Variants in CA10 observed in about 807,000 individuals in gnomAD.
CA10 encodes carbonic anhydrase 10 (inactive), also known as carbonic anhydrase-related protein 10.
Under a neutral mutation model 44.2 loss-of-function variants are expected in CA10, and 14 were observed. The observed-to-expected ratio is 0.32, with a 90% CI of 0.21 to 0.50. CA10 has a LOEUF of 0.50. CA10 is among the 20% of genes least tolerant of loss of function. The probability of loss-of-function intolerance (pLI) is 0.99; values close to 1 mark genes in which losing one functional copy is unlikely to be tolerated. For synonymous variants in CA10, 159 were observed against 141.6 expected, an observed-to-expected ratio of 1.12 and a Z score of -0.87; for missense variants, 350 against 409.7, an observed-to-expected ratio of 0.85 and a Z score of 1.26.
chr17:51,941,862 G>C (rs1432596634), intron 2 of CA10, among the ~76,000 whole-genome samples: 1 of 152,028 alleles, frequency 6.6e-6, no homozygotes, highest in Admixed American at 6.6e-5. Flanking sequence ...AAAACATCTG[G>C]ATATCATGGA....
chr17:51,711,656 G>C (rs1915946153), intron 4 of CA10, among the ~76,000 whole-genome samples: 1 of 152,228 alleles, frequency 6.6e-6, no homozygotes, highest in African/African-American at 2.4e-5. Flanking sequence ...AAGCGGGACA[G>C]AGCTGAAACA....
At chr17:51,938,571 GTTT>G (rs1016393788) in intron 2 of CA10, among the ~76,000 whole-genome samples, 1 of 152,128 alleles carries the variant, frequency 6.6e-6, no homozygotes, top group Non-Finnish European at 1.5e-5. Context: ...ATCCAATAGG[GTTT>G]TTAACTCCAA....
At chr17:51,925,151 G>A (rs1490048224) in intron 3 of CA10, among the ~76,000 whole-genome samples, 1 of 151,964 alleles carries the variant, frequency 6.6e-6, no homozygotes, top group Non-Finnish European at 1.5e-5. Flanking sequence ...AAGCCTTCTG[G>A]GGAGCTGGGA....
intron 3 of CA10, among the ~76,000 whole-genome samples, chr17:51,815,328 C>T (rs998797219): frequency 1.1e-4 from 16 of 152,112 alleles, no homozygotes; most frequent in Non-Finnish European, 1.9e-4. Context: ...GTTTGGGTTG[C>T]GTGTCCAATT....
In CA10 at chr17:51,711,822, C is replaced by T. The variant is rs111895773; in HGVS notation, c.465+35811G>A. ...TGGCATGTATCTATTAGTCATGGGC[C>T]GTGGGCTTCTGCTGGGGGTGAGGTG... On this transcript the variant is annotated intron_variant, in intron 4 of 8. Transcript: ENST00000451037. 5.3e-5 allele frequency among the ~76,000 whole-genome samples: 8 copies of T among 152,234 alleles called. No individual in the cohort carries two copies. The South Asian group carries it at 6.2e-4, about 12-fold the overall frequency.
intron 3 of CA10, among the ~76,000 whole-genome samples, chr17:51,922,938 C>G (rs529505146): frequency 6.6e-6 from 1 of 152,088 alleles, no homozygotes; most frequent in Non-Finnish European, 1.5e-5. Context: ...TAACCAGACC[C>G]CTATCACTTT....
intron 3 of CA10, among the ~76,000 whole-genome samples, chr17:51,908,794 G>A (rs1598111990): frequency 6.6e-6 from 1 of 152,280 alleles, no homozygotes; most frequent in East Asian, 1.9e-4. Flanking sequence ...AAAACCCAGA[G>A]CGTCACCACT....
intron 3 of CA10, among the ~76,000 whole-genome samples, chr17:51,856,612 C>G (rs1418801627): frequency 6.6e-6 from 1 of 152,166 alleles, no homozygotes; most frequent in East Asian, 1.9e-4. Context: ...ATTTGGTCCA[C>G]AACGAGGAGG....
At chr17:51,862,580 T>G (rs373914687) in intron 3 of CA10, among the ~76,000 whole-genome samples, 92 of 152,226 alleles carry the variant, frequency 6.0e-4, no homozygotes, top group African/African-American at 2.1e-3. Flanking sequence ...GTATAAGAGT[T>G]CTGGGTTCAG....
rs1342363336 is a variant in CA10 at position 51,949,950 on chromosome 17, CA to C, written c.137-18819del. Among the ~76,000 whole-genome samples the C allele has an allele frequency of 7.2e-5, 11 of 152,228 alleles. No homozygotes were observed. The East Asian group carries it at 1.9e-3, about 27-fold the overall frequency. On this transcript the variant is annotated intron_variant, in intron 2 of 8. Coordinates refer to ENST00000451037, the MANE Select transcript of CA10 (RefSeq NM_020178.5). ...GGGGAAAAAAATTTGCGTGCAATGC[CA>C]CCATGTGAATATTTATTCATAAATT...
chr17:52,040,194 C>T (rs1598181048), intron 2 of CA10, among the ~76,000 whole-genome samples: 1 of 139,290 alleles, frequency 7.2e-6, no homozygotes, highest in Non-Finnish European at 1.5e-5. Flanking sequence ...AAATCAATAA[C>T]AGAAAAACCA....
chr17:51,831,732 G>GCCGC (rs1567854679), intron 3 of CA10, among the ~76,000 whole-genome samples: 3 of 145,942 alleles, frequency 2.1e-5, no homozygotes, highest in African/African-American at 7.6e-5. Flanking sequence ...AGCAGCAGCA[G>GCCGC]AAAAAGACCT....
At chr17:51,904,634 T>C (rs918401367) in intron 3 of CA10, among the ~76,000 whole-genome samples, 1 of 152,148 alleles carries the variant, frequency 6.6e-6, no homozygotes, top group African/African-American at 2.4e-5. Flanking sequence ...CATTTGGAAA[T>C]CTTATATGCA....
intron 2 of CA10, among the ~76,000 whole-genome samples, chr17:52,071,594 G>A (rs987163069): frequency 6.6e-6 from 1 of 152,160 alleles, no homozygotes; most frequent in African/African-American, 2.4e-5. Flanking sequence ...ACTGGCTCCT[G>A]CTGAGAGCTT....
At chr17:51,983,058 A>G (rs1262155844) in intron 2 of CA10, among the ~76,000 whole-genome samples, 1 of 151,650 alleles carries the variant, frequency 6.6e-6, no homozygotes, top group Non-Finnish European at 1.5e-5. Context: ...CTACTTTCAC[A>G]TCTTTGAGTC....
intron 3 of CA10, among the ~76,000 whole-genome samples, chr17:51,811,202 A>G (rs1016489487): frequency 6.6e-6 from 1 of 152,186 alleles, no homozygotes; most frequent in Non-Finnish European, 1.5e-5. Context: ...AAAAAAAAAA[A>G]AAAAAATTCT....
At chr17:51,848,578 A>C (rs773597312) in intron 3 of CA10, among the ~76,000 whole-genome samples, 1 of 152,192 alleles carries the variant, frequency 6.6e-6, no homozygotes, top group Non-Finnish European at 1.5e-5. Flanking sequence ...TCGTGAATGC[A>C]TCTATTCATT....
At chr17:52,019,809 C>T (rs1029396686) in intron 2 of CA10, among the ~76,000 whole-genome samples, 6 of 151,884 alleles carry the variant, frequency 4.0e-5, no homozygotes, top group Non-Finnish European at 8.8e-5. Context: ...TTTAGAAATA[C>T]GTTGCCTAAT....
chr17:51,824,620 C>A (rs186928492), intron 3 of CA10, among the ~76,000 whole-genome samples: 3 of 152,282 alleles, frequency 2.0e-5, no homozygotes, highest in African/African-American at 7.2e-5. Flanking sequence ...ATGGCTCAGA[C>A]CAGCACTGAT....
Sources: allele counts gnomAD v4.1 joint callset (sites outside exome capture counted in the v4.1 genomes callset), GRCh38; gene constraint gnomAD v4.1.1; transcripts MANE v1.5; gene names NCBI Gene and HGNC (gene_info 2026-07-23, HGNC 2026-07-21).